The following TUFT1 variants were observed in gnomAD, a reference collection of about 807,000 sequenced individuals.
The protein encoded by TUFT1 is tuftelin.
In TUFT1, 43 loss-of-function variants were observed where a neutral mutation model predicts 57.8. The ratio of observed to expected loss-of-function variants is 0.74; its 90% CI spans 0.58 to 0.96. The LOEUF (loss-of-function observed/expected upper bound fraction) is 0.96. Ranked by LOEUF, TUFT1 falls within the 40% of genes least tolerant of loss-of-function variation. The pLI, the probability that TUFT1 is intolerant of heterozygous loss-of-function variation, is 0.00. For synonymous variants in TUFT1, 166 were observed against 176.7 expected (o/e 0.94, Z 0.48); for missense variants, 459 against 489.0 (o/e 0.94, Z 0.58).
At chr1:151,572,891 C>T (rs1470830946) in intron 7 of TUFT1, among the ~76,000 whole-genome samples, 1 of 152,132 alleles carries the variant, frequency 6.6e-6, no homozygotes, top group East Asian at 1.9e-4. Flanking sequence ...TCTGTTTTCC[C>T]AGGGCTGGCT....
intron 3 of TUFT1, among the ~76,000 whole-genome samples, chr1:151,563,389 C>T (rs977447945): frequency 2.0e-5 from 3 of 152,102 alleles, no homozygotes; most frequent in African/African-American, 7.2e-5. Flanking sequence ...GATTATTATA[C>T]TCCATTTTTA....
chr1:151,574,124 G>A (rs895073335), intron 7 of TUFT1, 146 bp from the exon 8 acceptor site: 1 of 886,652 alleles, frequency 1.1e-6, no homozygotes, highest in Non-Finnish European at 1.7e-6. Context: ...CAGTGAAGGG[G>A]AGGTGGTGGT....
chr1:151,545,046 C>T (rs1665288785), intron 1 of TUFT1, among the ~76,000 whole-genome samples: 1 of 150,970 alleles, frequency 6.6e-6, no homozygotes, highest in Non-Finnish European at 1.5e-5. Context: ...TGCAGTGGCT[C>T]ACGTCTGTAA....
chr1:151,564,659 G>A (rs1381066631), intron 5 of TUFT1, 45 bp downstream of exon 5: 2 of 1,510,266 alleles, frequency 1.3e-6, no homozygotes, highest in Non-Finnish European at 9.2e-7. Flanking sequence ...GAGGAGGTGG[G>A]GTTGTGCCAG....
intron 9 of TUFT1, 80 bp downstream of exon 9, chr1:151,575,085 G>A: frequency 3.1e-6 from 4 of 1,293,734 alleles, no homozygotes; most frequent in Non-Finnish European, 4.4e-6. Context: ...TGCTCCTGTG[G>A]TGGCCTGGTC....
chr1:151,565,194 A>G (rs1666024340), intron 5 of TUFT1, among the ~76,000 whole-genome samples: 1 of 152,170 alleles, frequency 6.6e-6, no homozygotes. Flanking sequence ...AGGCATCAGT[A>G]AATGTTTGTT....
At chr1:151,554,131 C>T (rs1665596122) in intron 1 of TUFT1, among the ~76,000 whole-genome samples, 2 of 152,280 alleles carry the variant, frequency 1.3e-5, no homozygotes, top group South Asian at 2.1e-4. Flanking sequence ...ATCCAGTTTT[C>T]CCACAATGTT....
intron 9 of TUFT1, among the ~76,000 whole-genome samples, chr1:151,575,978 T>C (rs992908848): frequency 3.9e-5 from 6 of 152,156 alleles, no homozygotes; most frequent in Non-Finnish European, 8.8e-5. Context: ...TCAGCACTCC[T>C]TCCTCGGTGG....
At chr1:151,573,760 TAATA>T (rs1666348547) in intron 7 of TUFT1, among the ~76,000 whole-genome samples, 1 of 152,016 alleles carries the variant, frequency 6.6e-6, no homozygotes. Flanking sequence ...AAAATAATAA[TAATA>T]AATAAATAAG....
At chr1:151,571,414 T>C (rs554571174) in intron 7 of TUFT1, among the ~76,000 whole-genome samples, 108 of 152,156 alleles carry the variant, frequency 7.1e-4, no homozygotes, top group Non-Finnish European at 5.7e-4. Context: ...TGAAGGGTTT[T>C]AGAAATATAA....
chr1:151,578,602 A>G (rs1544218), intron 9 of TUFT1, 119 bp from the exon 10 acceptor site: 617,490 of 781,230 alleles, frequency 0.79, 244,986 homozygotes, highest in East Asian at 0.85. Flanking sequence ...GCAGCCTACC[A>G]GGGAATCAGG....
rs758302180 is a variant in TUFT1 at position 151,569,751 on chromosome 1, C to T, written c.575C>T (p.Ser192Leu). 1.2e-6 allele frequency: 2 copies of T among 1,613,898 alleles called. No homozygotes were observed. Among genetic ancestry groups the T allele is most frequent in the Non-Finnish European group, 1.7e-6 (2 of 1,179,876 alleles). ...CAGGAGGCCAAGCGGCAACACCAGT[C>T]AGACTGTGTGGCTTTTGAGGTGAGA... ...KLQEAKRQHQ[S>L]DCVAFEVTLS... Residue 192 changes from serine to leucine, a missense_variant, in exon 7 of 13, where the codon TCA (serine) becomes TTA (leucine). Physicochemically the swap from Ser to Leu is moderately radical, Grantham distance 145. Coordinates refer to ENST00000368849, the MANE Select transcript of TUFT1 (RefSeq NM_020127.3).
chr1:151,567,966 A>C (rs574401453), intron 6 of TUFT1, among the ~76,000 whole-genome samples: 1 of 152,382 alleles, frequency 6.6e-6, no homozygotes, highest in East Asian at 1.9e-4. Context: ...AGAAGAAACA[A>C]ATATCACTTG....
At chr1:151,562,376 TC>T (rs1407315821) in intron 2 of TUFT1, 28 of 634,576 alleles carry the variant, frequency 4.4e-5, no homozygotes, top group Non-Finnish European at 3.3e-5. Context: ...GCTACTTCTG[TC>T]CATTCTCCCT....
chr1:151,568,048 A>G (rs1666137871), intron 6 of TUFT1, among the ~76,000 whole-genome samples: 1 of 152,188 alleles, frequency 6.6e-6, no homozygotes, highest in African/African-American at 2.4e-5. Context: ...TACCATGTGA[A>G]TACATTGTAC....
intron 7 of TUFT1, among the ~76,000 whole-genome samples, chr1:151,570,096 C>G (rs1666210444): frequency 6.6e-6 from 1 of 152,160 alleles, no homozygotes; most frequent in African/African-American, 2.4e-5. Context: ...TCTTGAGACT[C>G]CGTGCAGGCA....
Position 151,564,534 on chromosome 1 carries a change from T to C in TUFT1, c.334T>C (p.Cys112Arg), listed in dbSNP as rs368796950. 1.2e-6 allele frequency: 2 copies of C among 1,614,012 alleles called. No homozygotes were observed. Among genetic ancestry groups the C allele is most frequent in the Non-Finnish European group, 1.7e-6 (2 of 1,179,960 alleles). Residue 112 changes from cysteine to arginine, a missense_variant, in exon 5 of 13, where the codon TGC becomes CGC. Physicochemically the swap from Cys to Arg is radical, Grantham distance 180. Coordinates refer to ENST00000368849, the MANE Select transcript of TUFT1 (RefSeq NM_020127.3). Reference protein sequence around the residue: ...EVQYIQEARNCLQKLREDISS... With the variant: ...EVQYIQEARNRLQKLREDISS... ...TCCCCTCCCCTCCCAGGCCAGGAACTGCCTACAGAAGCTCCGGGAGGATAT... is the reference window on the plus strand; with the variant it reads ...TCCCCTCCCCTCCCAGGCCAGGAACCGCCTACAGAAGCTCCGGGAGGATAT...
At chr1:151,560,377 C>T (rs1665846167) in intron 1 of TUFT1, among the ~76,000 whole-genome samples, 1 of 152,008 alleles carries the variant, frequency 6.6e-6, no homozygotes, top group Non-Finnish European at 1.5e-5. Flanking sequence ...GATCGTGTCA[C>T]TGCACTCCAG....
At chr1:151,548,775 TC>T (rs917374694) in intron 1 of TUFT1, among the ~76,000 whole-genome samples, 34 of 152,270 alleles carry the variant, frequency 2.2e-4, no homozygotes, top group African/African-American at 7.9e-4. Flanking sequence ...AATCTCCACT[TC>T]CTTTACTTCC....
Sources: allele counts gnomAD v4.1 joint callset (sites outside exome capture counted in the v4.1 genomes callset), GRCh38; gene constraint gnomAD v4.1.1; transcripts MANE v1.5; gene names NCBI Gene and HGNC (gene_info 2026-07-23, HGNC 2026-07-21).